Variants in CHPF observed in about 807,000 individuals in gnomAD.
The protein encoded by CHPF is chondroitin polymerizing factor.
Under a neutral mutation model 55.1 loss-of-function variants are expected in CHPF, and 34 were observed. The observed-to-expected ratio is 0.62, with a 90% CI of 0.47 to 0.82. The LOEUF is 0.82. Ranked by LOEUF, CHPF falls within the 40% of genes least tolerant of loss-of-function variation. The pLI, the probability that CHPF is intolerant of heterozygous loss-of-function variation, is 0.00. For synonymous variants in CHPF, 489 were observed against 496.6 expected (o/e 0.98, Z 0.20); for missense variants, 961 against 1,106.1 (o/e 0.87, Z 1.86).
chr2:219,539,262 GGGCCAGCTTGGGGTCTGGCTAC>G lies in CHPF; in HGVS notation c.*99_*120del. Reference sequence around the variant, plus strand: ...CCACAGAGCCAGAGAGGGGACCAGTGGGCCAGCTTGGGGTCTGGCTACGGCCAGCCCTGCCCAGCGAGGCTGG... The same window carrying G: ...CCACAGAGCCAGAGAGGGGACCAGTGGGCCAGCCCTGCCCAGCGAGGCTGG... On this transcript the variant is annotated 3_prime_UTR_variant, in exon 4 of 4. Coordinates refer to ENST00000243776, the MANE Select transcript of CHPF (RefSeq NM_024536.6). The G allele has an allele frequency of 1.0e-6, 1 of 971,422 alleles. No homozygotes were observed. The allele number at this position is 971,422 out of a possible 1,614,324, so 60.2% of individuals were successfully genotyped here.
Position 219,542,112 on chromosome 2 carries a change from G to A in CHPF, c.392C>T (p.Pro131Leu). 6.4e-7 allele frequency: 1 copy of A among 1,570,510 alleles called. No homozygotes were observed. Among genetic ancestry groups the A allele is most frequent in the Non-Finnish European group, 8.6e-7 (1 of 1,164,418 alleles). ...GCGGTTCACGGCCACGCCCAGCGTGGGCAGCGTGGTCTGAGAGGTCAGCAC... is the reference window on the plus strand; with the variant it reads ...GCGGTTCACGGCCACGCCCAGCGTGAGCAGCGTGGTCTGAGAGGTCAGCAC... Reference protein sequence around the residue: ...VAVLTSQTTLPTLGVAVNRTL... With the variant: ...VAVLTSQTTLLTLGVAVNRTL... The change falls in exon 2 of 4, where the codon CCC (proline) becomes CTC (leucine). Residue 131 changes from proline to leucine, a missense_variant. Pro to Leu is a moderately conservative substitution (Grantham distance 98). Transcript: ENST00000243776.
intron 1 of CHPF, 113 bp from the exon 2 acceptor site, chr2:219,542,302 C>G: frequency 1.3e-6 from 1 of 787,248 alleles, no homozygotes; most frequent in Non-Finnish European, 1.9e-6. Context: ...TGTTCTCTCA[C>G]CTATGAATAG....
At position 219,541,903 on chromosome 2, in the gene CHPF, T is replaced by C. The variant is rs1695277846; in HGVS notation, c.601A>G (p.Thr201Ala). 1.9e-6 allele frequency: 3 copies of C among 1,613,452 alleles called. No individual in the cohort carries two copies. Among genetic ancestry groups the C allele is most frequent in the Non-Finnish European group, 2.5e-6 (3 of 1,179,830 alleles). Residue 201 changes from threonine (T) to alanine (A), a missense_variant, in exon 2 of 4, where the codon ACC (threonine) becomes GCC (alanine). By Grantham distance (58) the Thr-to-Ala change is moderately conservative. Around this residue, in one of 3 missense-constraint regions of CHPF, gnomAD observed 936 missense variants for 1,058.4 expected, o/e 0.88. Coordinates refer to ENST00000243776, the MANE Select transcript of CHPF (RefSeq NM_024536.6). ...DFDWFFLVPDTTYTEAHGLAR... is the reference protein window; with the variant it reads ...DFDWFFLVPDATYTEAHGLAR... ...AGGCCGTGCGCCTCGGTGTAGGTGG[T>C]GTCAGGCACCAGGAAGAACCAGTCA...
chr2:219,542,867 A>C, intron 1 of CHPF: 2 of 1,050,290 alleles, frequency 1.9e-6, no homozygotes, highest in Admixed American at 5.5e-5. Context: ...AGATCCAGGT[A>C]AATCCTAGTT....
rs2105986042 is a variant in CHPF, at chr2:219,540,146, G to A, written c.1565C>T (p.Ala522Val). The A allele has an allele frequency of 1.2e-6, 2 of 1,600,910 alleles. No individual in the cohort carries two copies. The highest frequency in any genetic ancestry group is 2.3e-5 in the East Asian group (1 of 43,962). ...GGCAAAGGCCTCCAAGAAGCCAGGG[G>A]CCAGGTCACGCTCAGCCGCAGCTAG... ...LPLAAAERDL[A>V]PGFLEAFATA... The change falls in exon 4 of 4, where the codon GCC becomes GTC. Residue 522 changes from alanine to valine, a missense_variant. Ala to Val is a moderately conservative substitution (Grantham distance 64). This residue lies in a region of CHPF where 936 missense variants were observed against 1,058.4 expected (regional missense o/e 0.88). Coordinates refer to ENST00000243776, the MANE Select transcript of CHPF (RefSeq NM_024536.6).
In CHPF at chr2:219,541,721, G is replaced by T. The variant is rs779353315; in HGVS notation, c.783C>A (p.Pro261=). 1 of 1,611,334 alleles carries T rather than the reference G, an allele frequency of 6.2e-7. No homozygotes were observed. The highest frequency in any genetic ancestry group is 8.5e-7 in the Non-Finnish European group (1 of 1,178,966). Residue 261 remains proline, a synonymous_variant, in exon 2 of 4, where the codon CCC becomes CCA. Transcript: ENST00000243776. ...LSRMLLQQLR[P]HLEGCRNDIV... ...TGTCGTTGCGGCAGCCTTCCAGGTGGGGGCGCAGTTGTTGCAGCAGCATGC... is the reference window on the plus strand; with the variant it reads ...TGTCGTTGCGGCAGCCTTCCAGGTGTGGGCGCAGTTGTTGCAGCAGCATGC...
In CHPF at chr2:219,539,500, G is replaced by T. The variant is rs761137866; in HGVS notation, c.2211C>A (p.Ser737Arg). The stretch of plus-strand genomic sequence containing the variant: ...GGTACAGGTCCTCACTGAGCCTCGC[G>T]CTGCACGTCTGGGCCCGGTAGCGCT... ...LLQRYRAQTCSARLSEDLYHR... is the reference protein window; with the variant it reads ...LLQRYRAQTCRARLSEDLYHR... The change falls in exon 4 of 4, where the codon AGC becomes AGA. Residue 737 changes from serine (S) to arginine (R), a missense_variant. Physicochemically the swap from Ser to Arg is moderately radical, Grantham distance 110. This residue lies in a region of CHPF where 936 missense variants were observed against 1,058.4 expected (regional missense o/e 0.88). Transcript: ENST00000243776. 1 of 1,613,718 alleles carries T rather than the reference G, an allele frequency of 6.2e-7. No homozygotes were observed. Among genetic ancestry groups the T allele is most frequent in the Non-Finnish European group, 8.5e-7 (1 of 1,179,888 alleles).
Position 219,540,283 on chromosome 2 carries a change from T to G in CHPF, c.1428A>C (p.Gly476=), listed in dbSNP as rs1442005635. The G allele has an allele frequency of 6.2e-7, 1 of 1,613,794 alleles. No individual in the cohort carries two copies. The highest frequency in any genetic ancestry group is 1.7e-5 in the Admixed American group (1 of 60,026). The stretch of plus-strand genomic sequence containing the variant: ...CTCGGCGAGTGAGGGGCCGGCGGCC[T>G]CCCTGGGGGGTCAGTGCCTCCAGCT... The part of the protein sequence containing the change: ...DLQLEALTPQ[G]GRRPLTRRVQ... The change falls in exon 4 of 4, where the codon GGA becomes GGC. Residue 476 remains glycine, a synonymous_variant. Coordinates refer to ENST00000243776, the MANE Select transcript of CHPF (RefSeq NM_024536.6).
Sources: allele counts gnomAD v4.1 joint callset, GRCh38; gene constraint gnomAD v4.1.1; regional missense constraint gnomAD v4.1.1; transcripts MANE v1.5; gene names NCBI Gene and HGNC (gene_info 2026-07-23, HGNC 2026-07-21).